The following TTC23 variants were observed in gnomAD, a reference collection of about 807,000 sequenced individuals.
The protein encoded by TTC23 is tetratricopeptide repeat protein 23.
Under a neutral mutation model 55.1 loss-of-function variants are expected in TTC23, and 58 were observed. That is an observed-to-expected ratio of 1.05 (90% confidence interval 0.85 to 1.31). TTC23 has a LOEUF of 1.31. Among genes scored for constraint, TTC23 ranks in the 50% most tolerant of loss-of-function variants. The pLI, the probability that TTC23 is intolerant of heterozygous loss-of-function variation, is 0.00. For synonymous variants in TTC23, 203 were observed against 199.9 expected (o/e 1.02, Z -0.13); for missense variants, 516 against 534.4 (o/e 0.97, Z 0.34).
chr15:99,199,504 C>G (rs2076028841), intron 9 of TTC23, among the ~76,000 whole-genome samples: 2 of 149,926 alleles, frequency 1.3e-5, no homozygotes, highest in Non-Finnish European at 3.0e-5. Flanking sequence ...TTCTGTTTCT[C>G]TGGAGAACTC....
intron 5 of TTC23, among the ~76,000 whole-genome samples, chr15:99,224,996 A>C (rs2152060384): frequency 6.6e-6 from 1 of 152,336 alleles, no homozygotes; most frequent in East Asian, 1.9e-4. Flanking sequence ...AGAGAACAAC[A>C]ACTACAGTGT....
chr15:99,202,917 A>C (rs993858934), intron 8 of TTC23, among the ~76,000 whole-genome samples: 7 of 152,238 alleles, frequency 4.6e-5, no homozygotes, highest in African/African-American at 1.7e-4. Context: ...ATGTCCGTGA[A>C]AGTGCTTTGC....
In TTC23 at chr15:99,137,984, TC is replaced by T. The variant is rs2067722248; in HGVS notation, c.*25del. 8 of 1,613,988 alleles carry T rather than the reference TC, an allele frequency of 5.0e-6. No individual in the cohort carries two copies. In the East Asian group the frequency reaches 1.8e-4, roughly 36 times the overall value. On this transcript the variant is annotated 3_prime_UTR_variant, in exon 14 of 14. Transcript: ENST00000394132. ...CCCTAAATGACAGTGCCCAGGAATG[TC>T]CTAGGCTTTTTCAGGGTGGGGGCCT...
At chr15:99,184,377 G>T (rs945781231) in intron 9 of TTC23, among the ~76,000 whole-genome samples, 7 of 152,222 alleles carry the variant, frequency 4.6e-5, no homozygotes, top group Admixed American at 2.0e-4. Flanking sequence ...GCAGCCAAGA[G>T]GGGGGTTGTA....
chr15:99,204,400 G>C (rs149857109), intron 8 of TTC23, among the ~76,000 whole-genome samples: 1 of 152,034 alleles, frequency 6.6e-6, no homozygotes, highest in Non-Finnish European at 1.5e-5. Context: ...CGACAGATGG[G>C]TAGTTTGCAA....
At chr15:99,182,518 A>G (rs189397293) in intron 9 of TTC23, among the ~76,000 whole-genome samples, 1 of 151,824 alleles carries the variant, frequency 6.6e-6, no homozygotes, top group East Asian at 1.9e-4. Flanking sequence ...TTTTTAAAGA[A>G]CTCTTTCTAT....
At chr15:99,197,410 G>C (rs1265982000) in intron 9 of TTC23, among the ~76,000 whole-genome samples, 1 of 151,824 alleles carries the variant, frequency 6.6e-6, no homozygotes, top group Admixed American at 6.6e-5. Flanking sequence ...CCTGGTTTCT[G>C]TTCTTATCAT....
chr15:99,145,300 CAG>C (rs1215417861), intron 12 of TTC23: 1 of 152,196 alleles, frequency 6.6e-6, no homozygotes, highest in Admixed American at 6.5e-5. Flanking sequence ...GCCTTGCTCT[CAG>C]GGGGCTTCTA....
chr15:99,147,126 T>G (rs549038719), intron 12 of TTC23, among the ~76,000 whole-genome samples: 2 of 149,448 alleles, frequency 1.3e-5, no homozygotes, highest in Admixed American at 1.3e-4. Context: ...TGTTGGCCAG[T>G]CTAGTCCTGA....
intron 10 of TTC23, among the ~76,000 whole-genome samples, chr15:99,164,638 T>C (rs988809989): frequency 6.6e-6 from 1 of 152,256 alleles, no homozygotes; most frequent in Non-Finnish European, 1.5e-5. Context: ...TTCCCTTCTA[T>C]CATTTCTAGT....
chr15:99,161,669 G>T, intron 11 of TTC23, 71 bp downstream of exon 11: 4 of 1,528,674 alleles, frequency 2.6e-6, no homozygotes, highest in South Asian at 2.6e-5. Flanking sequence ...ATGGATGCTT[G>T]CAGAGTAAAG....
At chr15:99,150,579 T>C (rs1440555461) in intron 12 of TTC23, among the ~76,000 whole-genome samples, 1 of 152,246 alleles carries the variant, frequency 6.6e-6, no homozygotes, top group East Asian at 1.9e-4. Flanking sequence ...TTTGGGGCAA[T>C]ATAGTTCTAT....
chr15:99,189,023 ACAACTC>A (rs1162679637), intron 9 of TTC23, among the ~76,000 whole-genome samples: 1 of 150,072 alleles, frequency 6.7e-6, no homozygotes. Flanking sequence ...CTCTGAAGAT[ACAACTC>A]CAACAATAAA....
chr15:99,160,604 G>T (rs2071226659), intron 11 of TTC23: 1 of 152,120 alleles, frequency 6.6e-6, no homozygotes, highest in Admixed American at 6.5e-5. Flanking sequence ...GGGGGCTCTG[G>T]AACCAATCCC....
chr15:99,156,105 G>A, intron 12 of TTC23, 43 bp downstream of exon 12: 1 of 1,612,008 alleles, frequency 6.2e-7, no homozygotes, highest in African/African-American at 1.3e-5. Context: ...TTGGAGAGGG[G>A]AGGGAGAGCC....
chr15:99,211,180 G>A (rs542780246), intron 8 of TTC23, among the ~76,000 whole-genome samples: 10 of 152,280 alleles, frequency 6.6e-5, no homozygotes, highest in Admixed American at 6.5e-4. Flanking sequence ...TTTGAGACCA[G>A]CCTGGTCAAC....
intron 9 of TTC23, among the ~76,000 whole-genome samples, chr15:99,179,345 T>C (rs2073905873): frequency 6.6e-6 from 1 of 152,154 alleles, no homozygotes; most frequent in Admixed American, 6.5e-5. Flanking sequence ...CACCGCCCCC[T>C]GACATTCTCA....
rs542942984 is a variant in TTC23 at position 99,175,640 on chromosome 15, C to T, written c.760-485G>A. On this transcript the variant is annotated intron_variant, in intron 9 of 13. Coordinates refer to ENST00000394132, the MANE Select transcript of TTC23 (RefSeq NM_001288615.3). ...CCCATTTGCCTGCACCCTCTACAAA[C>T]TTGCTCAGGGGAGCTGCCCAAGCAC... Among the ~76,000 whole-genome samples, 66 of 152,372 alleles carry T rather than the reference C, an allele frequency of 4.3e-4. 1 individual carries two copies. Among genetic ancestry groups the T allele is most frequent in the African/African-American group, 1.3e-3 (52 of 41,586 alleles).
At chr15:99,201,220 T>A (rs2076172020) in intron 8 of TTC23, among the ~76,000 whole-genome samples, 1 of 152,218 alleles carries the variant, frequency 6.6e-6, no homozygotes, top group Non-Finnish European at 1.5e-5. Context: ...GCGAAAATAT[T>A]TCTATACCTT....
Sources: allele counts gnomAD v4.1 joint callset (sites outside exome capture counted in the v4.1 genomes callset), GRCh38; gene constraint gnomAD v4.1.1; transcripts MANE v1.5; gene names NCBI Gene and HGNC (gene_info 2026-07-23, HGNC 2026-07-21).